Variants in ROBO2 observed in about 807,000 individuals in gnomAD.
The protein encoded by ROBO2 is roundabout guidance receptor 2.
Under a neutral mutation model 160.8 loss-of-function variants are expected in ROBO2, and 53 were observed. The ratio of observed to expected loss-of-function variants is 0.33; its 90% confidence interval spans 0.26 to 0.41. The LOEUF is 0.41. Among genes scored for constraint, ROBO2 ranks in the 10% least tolerant of loss-of-function variants. The pLI is 1.00. For missense variants in ROBO2, 1,577 were observed against 1,722.4 expected (o/e 0.92, Z 1.49); for synonymous variants, 664 against 611.7 (o/e 1.09, Z -1.26).
intron 9 of ROBO2, among the ~76,000 whole-genome samples, chr3:77,558,702 A>G (rs1206752329): frequency 2.0e-5 from 3 of 152,106 alleles, no homozygotes; most frequent in Non-Finnish European, 4.4e-5. Flanking sequence ...TGACGTTTAC[A>G]TGATAAAAAA....
chr3:76,242,640 C>T (rs189091310), intron 2 of ROBO2, among the ~76,000 whole-genome samples: 30 of 152,264 alleles, frequency 2.0e-4, no homozygotes, highest in Admixed American at 1.4e-3. Flanking sequence ...AATCCCAGCA[C>T]TTTGGAAGGC....
At chr3:76,252,813 TG>T (rs757221088) in intron 2 of ROBO2, among the ~76,000 whole-genome samples, 107 of 151,400 alleles carry the variant, frequency 7.1e-4, no homozygotes, top group Non-Finnish European at 1.3e-3. Context: ...TGTTTTGCTT[TG>T]TTTTTTTTTG....
chr3:76,410,082 A>C (rs1197242428), intron 2 of ROBO2, among the ~76,000 whole-genome samples: 1 of 152,120 alleles, frequency 6.6e-6, no homozygotes, highest in East Asian at 1.9e-4. Flanking sequence ...ACAAAATCAT[A>C]ATCTCAGTGT....
At chr3:77,239,899 C>G (rs563064387) in intron 2 of ROBO2, among the ~76,000 whole-genome samples, 15 of 152,090 alleles carry the variant, frequency 9.9e-5, no homozygotes, top group African/African-American at 2.2e-4. Context: ...TAGCTAGATA[C>G]GGAGGGCTGA....
chr3:76,927,087 C>T (rs1449378713), intron 2 of ROBO2, among the ~76,000 whole-genome samples: 2 of 152,104 alleles, frequency 1.3e-5, no homozygotes, highest in Non-Finnish European at 1.5e-5. Flanking sequence ...GAGGGAATTG[C>T]TGAGCTCTGG....
chr3:76,860,224 G>A (rs1381995790), intron 2 of ROBO2, among the ~76,000 whole-genome samples: 2 of 152,212 alleles, frequency 1.3e-5, no homozygotes, highest in African/African-American at 2.4e-5. Flanking sequence ...CTATACCCCC[G>A]ACGGCTTTCT....
At chr3:76,406,235 C>G (rs2078117564) in intron 2 of ROBO2, among the ~76,000 whole-genome samples, 1 of 151,746 alleles carries the variant, frequency 6.6e-6, no homozygotes, top group South Asian at 2.1e-4. Flanking sequence ...TGTAATAAAT[C>G]AATGGAATTT....
chr3:77,029,081 G>T (rs188373304), intron 2 of ROBO2, among the ~76,000 whole-genome samples: 1 of 152,084 alleles, frequency 6.6e-6, no homozygotes, highest in Non-Finnish European at 1.5e-5. Flanking sequence ...TATTATGGAT[G>T]TTGTTTTAGA....
intron 2 of ROBO2, among the ~76,000 whole-genome samples, chr3:77,291,638 A>C (rs1267177038): frequency 2.6e-5 from 4 of 151,954 alleles, no homozygotes; most frequent in Non-Finnish European, 5.9e-5. Context: ...GGGTAAGCTG[A>C]GGCTAGATCA....
intron 2 of ROBO2, among the ~76,000 whole-genome samples, chr3:77,221,078 G>A (rs2085723745): frequency 1.3e-5 from 2 of 152,078 alleles, no homozygotes; most frequent in African/African-American, 4.8e-5. Context: ...AATACTTTTG[G>A]CAAGGAAAAC....
chr3:77,428,339 ATTTTTTTTT>A (rs59725522), intron 2 of ROBO2, among the ~76,000 whole-genome samples: 119 of 105,568 alleles, frequency 1.1e-3, no homozygotes, highest in South Asian at 4.1e-3. Context: ...CTTAGGTAAT[ATTTTTTTTT>A]TTTTTTTTTT....
intron 2 of ROBO2, among the ~76,000 whole-genome samples, chr3:76,913,954 A>G (rs2076154639): frequency 8.4e-6 from 1 of 119,162 alleles, no homozygotes; most frequent in African/African-American, 3.8e-5. Context: ...CCATTACATG[A>G]GTAACTGAGT....
Position 76,192,094 on chromosome 3 carries a change from T to G in ROBO2, c.109+254492T>G, listed in dbSNP as rs149939978. Among the ~76,000 whole-genome samples, 1,263 of 152,114 alleles carry G rather than the reference T, an allele frequency of 8.3e-3. 15 individuals carry two copies. Among genetic ancestry groups the G allele is most frequent in the Middle Eastern group, 0.031 (9 of 294 alleles). On this transcript the variant is annotated intron_variant, in intron 2 of 26. Transcript: ENST00000487694. Reference sequence around the variant, plus strand: ...CCCGCTATTTCCCTAGTTAGTGCCCTTAGTTACCTGACCTTCGATTGGCTT... The same window carrying G: ...CCCGCTATTTCCCTAGTTAGTGCCCGTAGTTACCTGACCTTCGATTGGCTT...
At chr3:76,545,299 C>T (rs940647514) in intron 2 of ROBO2, among the ~76,000 whole-genome samples, 4 of 151,854 alleles carry the variant, frequency 2.6e-5, no homozygotes, top group Non-Finnish European at 4.4e-5. Context: ...TTATCTATGT[C>T]GGACAATCAA....
intron 8 of ROBO2, among the ~76,000 whole-genome samples, chr3:77,552,528 A>C (rs2092956703): frequency 6.6e-6 from 1 of 152,046 alleles, no homozygotes; most frequent in South Asian, 2.1e-4. Context: ...CTATATTACA[A>C]AACAGTAGTT....
At chr3:76,388,158 AT>A (rs986655005) in intron 2 of ROBO2, among the ~76,000 whole-genome samples, 10 of 151,550 alleles carry the variant, frequency 6.6e-5, no homozygotes, top group African/African-American at 2.2e-4. Context: ...CTCTTGTGTT[AT>A]AATTTTAACT....
intron 2 of ROBO2, among the ~76,000 whole-genome samples, chr3:76,078,287 G>T (rs1373288760): frequency 3.3e-5 from 5 of 152,158 alleles, no homozygotes; most frequent in African/African-American, 7.2e-5. Flanking sequence ...GATGTATTTG[G>T]AGAGTCTGAA....
intron 2 of ROBO2, among the ~76,000 whole-genome samples, chr3:77,420,711 G>T (rs1357795278): frequency 6.6e-6 from 1 of 152,122 alleles, no homozygotes; most frequent in South Asian, 2.1e-4. Context: ...CTCCTGGAGT[G>T]CCTGAAGCTC....
intron 7 of ROBO2, among the ~76,000 whole-genome samples, chr3:77,549,834 A>G (rs1232892580): frequency 1.3e-5 from 2 of 152,022 alleles, no homozygotes; most frequent in African/African-American, 4.8e-5. Flanking sequence ...ACGTATTGAA[A>G]CTGTTTAATT....
Sources: allele counts gnomAD v4.1 joint callset (sites outside exome capture counted in the v4.1 genomes callset), GRCh38; gene constraint gnomAD v4.1.1; transcripts MANE v1.5; gene names NCBI Gene and HGNC (gene_info 2026-07-23, HGNC 2026-07-21).